The following EIF4G3 variants were observed in gnomAD, a reference collection of about 807,000 sequenced individuals.
EIF4G3 encodes eIF-4-gamma 3.
In EIF4G3, 34 loss-of-function variants were observed where a neutral mutation model predicts 186.4. The observed-to-expected ratio is 0.18, with a 90% CI of 0.14 to 0.24. The LOEUF (loss-of-function observed/expected upper bound fraction) is 0.24. Among genes scored for constraint, EIF4G3 ranks in the 10% least tolerant of loss-of-function variants. EIF4G3 has a pLI of 1.00. For missense variants in EIF4G3, 1,536 were observed against 1,948.5 expected (o/e 0.79, Z 3.99); for synonymous variants, 673 against 679.5 (o/e 0.99, Z 0.15).
chr1:20,970,781 T>G (rs977719966), intron 11 of EIF4G3, among the ~76,000 whole-genome samples: 6 of 152,180 alleles, frequency 3.9e-5, no homozygotes, highest in Middle Eastern at 3.4e-3. Context: ...CTGGCCAACA[T>G]GGTGAAACCC....
chr1:20,919,561 T>C (rs1261158965), intron 14 of EIF4G3, among the ~76,000 whole-genome samples: 2 of 152,226 alleles, frequency 1.3e-5, no homozygotes, highest in Non-Finnish European at 2.9e-5. Context: ...CAATATATGC[T>C]AACTTTGAAA....
chr1:21,176,678 G>A (rs960303799), intron 1 of EIF4G3, 44 bp downstream of exon 1: 7 of 590,932 alleles, frequency 1.2e-5, no homozygotes, highest in Non-Finnish European at 1.8e-5. Context: ...CGACCCCAGG[G>A]GGGGGGCCGG....
chr1:20,852,365 A>G (rs2073600692), intron 27 of EIF4G3, among the ~76,000 whole-genome samples: 1 of 152,210 alleles, frequency 6.6e-6, no homozygotes, highest in African/African-American at 2.4e-5. Context: ...AGACAATGAT[A>G]AAGTATGAGT....
At chr1:21,002,461 CTATAGAAAAG>C (rs557792416) in intron 5 of EIF4G3, among the ~76,000 whole-genome samples, 184 of 152,218 alleles carry the variant, frequency 1.2e-3, no homozygotes, top group Non-Finnish European at 2.2e-3. Flanking sequence ...AAAAATCATG[CTATAGAAAAG>C]TATTAAAAGG....
chr1:20,892,727 A>G (rs2086521460), intron 18 of EIF4G3: 2 of 1,530,530 alleles, frequency 1.3e-6, no homozygotes, highest in African/African-American at 1.4e-5. Context: ...GCACTTTGCA[A>G]ATCTGTAGAA....
chr1:20,970,878 C>G, intron 11 of EIF4G3, among the ~76,000 whole-genome samples: 1 of 151,990 alleles, frequency 6.6e-6, no homozygotes, highest in Non-Finnish European at 1.5e-5. Context: ...GCAGGAGAAT[C>G]GCTTGAACCC....
At chr1:21,081,907 T>C (rs1235754225) in intron 3 of EIF4G3, among the ~76,000 whole-genome samples, 2 of 152,042 alleles carry the variant, frequency 1.3e-5, no homozygotes, top group East Asian at 3.9e-4. Context: ...CCTCTCAAAG[T>C]GCTGGGATCA....
At chr1:21,121,656 T>C (rs1306318970) in intron 2 of EIF4G3, among the ~76,000 whole-genome samples, 1 of 151,566 alleles carries the variant, frequency 6.6e-6, no homozygotes, top group African/African-American at 2.4e-5. Context: ...ACACCTGTAG[T>C]CCCAGCTACT....
intron 4 of EIF4G3, among the ~76,000 whole-genome samples, chr1:21,014,894 CA>C (rs2088436392): frequency 6.6e-6 from 1 of 152,066 alleles, no homozygotes; most frequent in African/African-American, 2.4e-5. Flanking sequence ...CTTGGCCTCC[CA>C]AAGTGCTGGG....
intron 4 of EIF4G3, among the ~76,000 whole-genome samples, chr1:21,010,747 C>G (rs1482592556): frequency 6.6e-6 from 1 of 152,210 alleles, no homozygotes; most frequent in Non-Finnish European, 1.5e-5. Context: ...TTATATCACT[C>G]TAAACTTCTG....
chr1:21,080,850 T>A (rs1330051576), intron 3 of EIF4G3, among the ~76,000 whole-genome samples: 1 of 152,152 alleles, frequency 6.6e-6, no homozygotes, highest in Non-Finnish European at 1.5e-5. Flanking sequence ...CCTTCCAACC[T>A]CACAGAATAT....
intron 4 of EIF4G3, 36 bp downstream of exon 4, chr1:21,050,830 G>A: frequency 4.4e-6 from 3 of 688,658 alleles, no homozygotes; most frequent in Non-Finnish European, 7.9e-6. Flanking sequence ...CCTTTACAGG[G>A]ACATTTCTTA....
intron 2 of EIF4G3, among the ~76,000 whole-genome samples, chr1:21,167,618 C>A (rs1013310843): frequency 2.0e-5 from 3 of 152,086 alleles, no homozygotes; most frequent in African/African-American, 7.2e-5. Flanking sequence ...ATTAGCCAGG[C>A]GTGGTGCCGG....
intron 11 of EIF4G3, 132 bp downstream of exon 11, chr1:20,972,870 C>A (rs6700718): frequency 0.4 from 263,556 of 651,436 alleles, 54,787 homozygotes; most frequent in Non-Finnish European, 0.42. Flanking sequence ...AGTGGTGTGA[C>A]TATAAGGGAA....
intron 19 of EIF4G3, among the ~76,000 whole-genome samples, chr1:20,882,600 G>A (rs1247904260): frequency 1.3e-5 from 2 of 148,266 alleles, no homozygotes; most frequent in Non-Finnish European, 3.0e-5. Flanking sequence ...CAGCCAGGGC[G>A]ACACAGTGAG....
chr1:20,871,656 A>T (rs1571989849), intron 20 of EIF4G3, among the ~76,000 whole-genome samples: 1 of 152,210 alleles, frequency 6.6e-6, no homozygotes, highest in African/African-American at 2.4e-5. Flanking sequence ...ACTTCACAGG[A>T]AACATTAGCA....
intron 4 of EIF4G3, among the ~76,000 whole-genome samples, chr1:21,023,600 G>T (rs1468043465): frequency 6.6e-6 from 1 of 152,018 alleles, no homozygotes; most frequent in Non-Finnish European, 1.5e-5. Context: ...CGTGATCTCG[G>T]CTCGCTACAA....
intron 3 of EIF4G3, among the ~76,000 whole-genome samples, chr1:21,060,633 A>T (rs953589632): frequency 6.6e-6 from 1 of 152,146 alleles, no homozygotes; most frequent in Admixed American, 6.5e-5. Context: ...CTATCATGCC[A>T]GGCCACAGTG....
At chr1:20,917,401 G>A (rs779260971) in intron 14 of EIF4G3, among the ~76,000 whole-genome samples, 2 of 152,212 alleles carry the variant, frequency 1.3e-5, no homozygotes, top group Non-Finnish European at 2.9e-5. Flanking sequence ...CAGCTACTTG[G>A]GAGGCTGAGG....
Sources: allele counts gnomAD v4.1 joint callset (sites outside exome capture counted in the v4.1 genomes callset), GRCh38; gene constraint gnomAD v4.1.1; transcripts MANE v1.5; gene names NCBI Gene and HGNC (gene_info 2026-07-23, HGNC 2026-07-21).